The following SMARCA2 variants were observed in gnomAD, a reference collection of about 807,000 sequenced individuals.
The protein encoded by SMARCA2 is SWI/SNF-related matrix-associated actin-dependent regulator of chromatin subfamily A member 2.
In SMARCA2, 61 loss-of-function variants were observed where a neutral mutation model predicts 199.8. That is an observed-to-expected ratio of 0.31 (90% confidence interval 0.25 to 0.38). The LOEUF (loss-of-function observed/expected upper bound fraction) is 0.38. Ranked by LOEUF, SMARCA2 falls within the 10% of genes least tolerant of loss-of-function variation. SMARCA2 has a pLI of 1.00. For synonymous variants in SMARCA2, 935 were observed against 732.0 expected (o/e 1.28, Z -4.48); for missense variants, 1,344 against 2,012.2 (o/e 0.67, Z 6.35).
At chr9:2,113,892 C>T (rs1442207546) in intron 24 of SMARCA2, among the ~76,000 whole-genome samples, 4 of 152,142 alleles carry the variant, frequency 2.6e-5, no homozygotes, top group Non-Finnish European at 5.9e-5. Context: ...TTTGCACCCC[C>T]ACAGGTGAAG....
In SMARCA2 at chr9:2,039,389, TA is replaced by T; in HGVS notation, c.356-76del. 2 of 1,367,132 alleles carry T rather than the reference TA, an allele frequency of 1.5e-6. No homozygotes were observed. Among genetic ancestry groups the T allele is most frequent in the Non-Finnish European group, 2.0e-6 (2 of 991,906 alleles). 84.7% of individuals were successfully genotyped at this position (1,367,132 alleles called of 1,614,324 possible). A position where few individuals can be genotyped will look rare whatever the true frequency, so the allele number is the denominator to read the frequency against. ...GTCAGACAGTGTTGCTGTGGACAAT[TA>T]TTAGAGTATTCAGGGATATCTCTCT... On this transcript the variant is annotated intron_variant, in intron 3 of 33. Coordinates refer to ENST00000349721, the MANE Select transcript of SMARCA2 (RefSeq NM_003070.5). This position sits in a 1 kb window ranked among gnomAD's most constrained non-coding sequence, Gnocchi z 4.8.
intron 24 of SMARCA2, among the ~76,000 whole-genome samples, chr9:2,111,602 A>G (rs1421748044): frequency 6.6e-6 from 1 of 152,118 alleles, no homozygotes; most frequent in African/African-American, 2.4e-5. Context: ...GGTTTTCTCA[A>G]CAGTAACACT....
intron 27 of SMARCA2, among the ~76,000 whole-genome samples, chr9:2,155,392 C>T (rs547897789): frequency 6.6e-6 from 1 of 152,206 alleles, no homozygotes; most frequent in East Asian, 1.9e-4. Context: ...AAGCGATTCT[C>T]CTGCCTCAGC....
intron 12 of SMARCA2, among the ~76,000 whole-genome samples, chr9:2,073,924 A>G (rs1276721182): frequency 6.6e-6 from 1 of 152,182 alleles, no homozygotes; most frequent in Non-Finnish European, 1.5e-5. Context: ...TTGGGGGAGA[A>G]TTGGAGATGG....
intron 27 of SMARCA2, among the ~76,000 whole-genome samples, chr9:2,133,069 CT>C (rs1422584774): frequency 6.6e-6 from 1 of 152,132 alleles, no homozygotes; most frequent in Non-Finnish European, 1.5e-5. Context: ...GTTATGTCCT[CT>C]GAAATCAGGA....
chr9:2,191,192 G>T, intron 32 of SMARCA2, 74 bp from the exon 33 acceptor site: 2 of 1,416,208 alleles, frequency 1.4e-6, no homozygotes, highest in Admixed American at 3.4e-5. Flanking sequence ...GTAGGTTGGT[G>T]ATAGTCTTAC....
intron 32 of SMARCA2, 21 bp from the exon 33 acceptor site, chr9:2,191,245 T>C (rs749373295): frequency 6.8e-6 from 11 of 1,612,554 alleles, no homozygotes; most frequent in Middle Eastern, 1.6e-4. Context: ...CTGGTGTCTA[T>C]TTCATTTGCT....
intron 27 of SMARCA2, among the ~76,000 whole-genome samples, chr9:2,127,446 C>T (rs57088917): frequency 0.016 from 2,430 of 152,274 alleles, 64 homozygotes; most frequent in African/African-American, 0.055. Flanking sequence ...TTTCTCCCTT[C>T]CCTGAAAGTC....
At chr9:2,078,640 G>T (rs959117391) in intron 14 of SMARCA2, among the ~76,000 whole-genome samples, 3 of 151,860 alleles carry the variant, frequency 2.0e-5, no homozygotes, top group Admixed American at 1.3e-4. Context: ...TCTATGAATT[G>T]TTCCTTAAAA....
intron 27 of SMARCA2, among the ~76,000 whole-genome samples, chr9:2,127,573 G>A (rs548146231): frequency 8.1e-4 from 124 of 152,244 alleles, no homozygotes; most frequent in African/African-American, 2.9e-3. Flanking sequence ...CTGGAAGTGG[G>A]GAAAACAACA....
Position 2,068,516 on chromosome 9 carries a change from T to G in SMARCA2, c.1693-1902T>G, listed in dbSNP as rs567210574. 1.4e-3 allele frequency among the ~76,000 whole-genome samples: 209 copies of G among 152,332 alleles called. 1 individual carries two copies. Among genetic ancestry groups the G allele is most frequent in the African/African-American group, 5.0e-3 (206 of 41,566 alleles). On this transcript the variant is annotated intron_variant, in intron 9 of 33. Coordinates refer to ENST00000349721, the MANE Select transcript of SMARCA2 (RefSeq NM_003070.5). ...ATGACTAAAAGGCTGATTTTAAACT[T>G]TAAGTGTTTTCGTAAAAGCTATTTT...
intron 27 of SMARCA2, among the ~76,000 whole-genome samples, chr9:2,152,669 T>A (rs970099507): frequency 6.6e-6 from 1 of 151,988 alleles, no homozygotes; most frequent in African/African-American, 2.4e-5. Context: ...CTGGCCAACA[T>A]GGCAAAACCC....
chr9:2,113,994 C>T (rs918023501), intron 24 of SMARCA2, among the ~76,000 whole-genome samples: 1 of 152,172 alleles, frequency 6.6e-6, no homozygotes, highest in Non-Finnish European at 1.5e-5. Context: ...ATTTTTGCTT[C>T]TGGGCCAGAC....
intron 29 of SMARCA2, among the ~76,000 whole-genome samples, chr9:2,177,848 G>C (rs537023964): frequency 6.6e-6 from 1 of 152,164 alleles, no homozygotes; most frequent in Non-Finnish European, 1.5e-5. Context: ...CACCGTGCCC[G>C]GCCAGAGGTA....
chr9:2,021,467 A>G (rs1362990306), intron 1 of SMARCA2, among the ~76,000 whole-genome samples: 1 of 152,210 alleles, frequency 6.6e-6, no homozygotes. Context: ...GGATGATTAT[A>G]TATTTCTTTA....
chr9:2,190,475 C>G (rs1827799402), intron 32 of SMARCA2, among the ~76,000 whole-genome samples: 1 of 152,008 alleles, frequency 6.6e-6, no homozygotes, highest in Admixed American at 6.5e-5. Context: ...TATAAATATC[C>G]CACATATGTG....
At chr9:2,057,356 C>A (rs943583278) in intron 7 of SMARCA2, among the ~76,000 whole-genome samples, 4 of 152,184 alleles carry the variant, frequency 2.6e-5, no homozygotes, top group Non-Finnish European at 5.9e-5. Context: ...CCCTCATGAC[C>A]TTATCACCTC....
At chr9:2,168,225 G>C (rs1402368059) in intron 28 of SMARCA2, among the ~76,000 whole-genome samples, 1 of 151,884 alleles carries the variant, frequency 6.6e-6, no homozygotes, top group African/African-American at 2.4e-5. Context: ...TGGTCAGGCT[G>C]GTCTCGAACT....
intron 29 of SMARCA2, among the ~76,000 whole-genome samples, chr9:2,172,399 T>G (rs1415674422): frequency 2.3e-5 from 3 of 133,218 alleles, no homozygotes; most frequent in Admixed American, 8.1e-5. Context: ...GTGAGCAGAG[T>G]GGGAGTTTCT....
Sources: gnomAD v4.1 joint callset for allele counts (sites outside exome capture counted in the v4.1 genomes callset) on GRCh38, gnomAD v4.1.1 for gene constraint, Gnocchi (gnomAD v3.1) non-coding constraint, MANE v1.5 for transcripts, NCBI Gene and HGNC (gene_info 2026-07-23, HGNC 2026-07-21) for gene names.